Variants in MGST1 observed in about 807,000 individuals in gnomAD.
The protein encoded by MGST1 is microsomal glutathione S-transferase 1.
In MGST1, 5 loss-of-function variants were observed where a neutral mutation model predicts 8.9. The observed-to-expected ratio is 0.56, with a 90% CI of 0.29 to 1.19. The LOEUF is 1.19. Among genes scored for constraint, MGST1 ranks in the 50% most tolerant of loss-of-function variants. MGST1 has a pLI of 0.08. For missense variants in MGST1, 182 were observed against 187.4 expected, an observed-to-expected ratio of 0.97 and a Z score of 0.17; for synonymous variants, 54 against 67.8, an observed-to-expected ratio of 0.80 and a Z score of 1.00.
At chr12:16,470,043 A>G (rs1941281986) in intron 4 of MGST1, among the ~76,000 whole-genome samples, 3 of 152,230 alleles carry the variant, frequency 2.0e-5, no homozygotes, top group Non-Finnish European at 4.4e-5. Context: ...TAGAAGCTCA[A>G]AAATATTGTA....
chr12:16,592,372 T>C (rs781257227), downstream of MGST1, among the ~76,000 whole-genome samples: 1 of 152,044 alleles, frequency 6.6e-6, no homozygotes, highest in Non-Finnish European at 1.5e-5. Flanking sequence ...TACTGGCTTA[T>C]AAATTTGAAG....
intron 4 of MGST1, among the ~76,000 whole-genome samples, chr12:16,475,383 C>T (rs1204893762): frequency 6.6e-6 from 1 of 152,032 alleles, no homozygotes; most frequent in African/African-American, 2.4e-5. Context: ...AGTCTCTATG[C>T]TATTGGGAAT....
At chr12:16,526,020 G>A (rs11056985) in intron 4 of MGST1, among the ~76,000 whole-genome samples, 1 of 146,128 alleles carries the variant, frequency 6.8e-6, no homozygotes, top group Non-Finnish European at 1.5e-5. Flanking sequence ...ATTTGTTTGA[G>A]TTCATTGTAG....
intron 4 of MGST1, among the ~76,000 whole-genome samples, chr12:16,534,013 G>T (rs1941739091): frequency 6.6e-6 from 1 of 152,162 alleles, no homozygotes; most frequent in Non-Finnish European, 1.5e-5. Context: ...GTTTATTACG[G>T]TGAGGTGGAA....
At chr12:16,554,689 A>C (rs907081532) in intron 4 of MGST1, among the ~76,000 whole-genome samples, 8 of 152,170 alleles carry the variant, frequency 5.3e-5, no homozygotes, top group Non-Finnish European at 1.0e-4. Context: ...TCAGAAAATA[A>C]AATACCTCTC....
intron 4 of MGST1, chr12:16,514,175 T>C: frequency 3.0e-6 from 1 of 334,616 alleles, no homozygotes; most frequent in Non-Finnish European, 5.8e-6. Context: ...TGCGCCACTC[T>C]GCCAATTATA....
At chr12:16,529,786 T>A (rs982412181) in intron 4 of MGST1, among the ~76,000 whole-genome samples, 1 of 152,140 alleles carries the variant, frequency 6.6e-6, no homozygotes, top group African/African-American at 2.4e-5. Context: ...TGGAATAAGT[T>A]AGAAATCTAT....
At chr12:16,395,602 A>G (rs1043394708) in intron 1 of MGST1, among the ~76,000 whole-genome samples, 1 of 148,432 alleles carries the variant, frequency 6.7e-6, no homozygotes, top group African/African-American at 2.5e-5. Flanking sequence ...CCCAAAGTCC[A>G]TTGTATCATT....
At chr12:16,453,294 G>A (rs1365727034) in intron 4 of MGST1, among the ~76,000 whole-genome samples, 1 of 151,898 alleles carries the variant, frequency 6.6e-6, no homozygotes, top group Non-Finnish European at 1.5e-5. Flanking sequence ...ATAAAAAGCT[G>A]TTAAATTCTG....
At chr12:16,357,790 G>A in intron 3 of MGST1, 91 bp downstream of exon 3, 3 of 939,986 alleles carry the variant, frequency 3.2e-6, no homozygotes, top group Admixed American at 5.4e-5. Context: ...GGAGACTGAG[G>A]AAAAAAAGTG....
intron 4 of MGST1, among the ~76,000 whole-genome samples, chr12:16,554,843 A>G (rs1942131519): frequency 6.6e-6 from 1 of 151,962 alleles, no homozygotes; most frequent in Non-Finnish European, 1.5e-5. Flanking sequence ...ATTTTTTAGT[A>G]GAGACGGGGT....
downstream of MGST1, among the ~76,000 whole-genome samples, chr12:16,443,079 T>C (rs1216646583): frequency 6.6e-6 from 1 of 151,842 alleles, no homozygotes; most frequent in Non-Finnish European, 1.5e-5. Context: ...TTATATATAT[T>C]CTTGTTTATG....
At position 16,546,899 on chromosome 12, in the gene MGST1, T is replaced by G. The variant is rs899416256; in HGVS notation, n.483-42629T>G. Among the ~76,000 whole-genome samples, 1 of 152,034 alleles carries G rather than the reference T, an allele frequency of 6.6e-6. No individual in the cohort carries two copies. Among genetic ancestry groups the G allele is most frequent in the Non-Finnish European group, 1.5e-5 (1 of 67,980 alleles). ...TACCAAAATGCAAAACTGGCAATGA[T>G]CATGCATATTTTAGTCTTCAGGAAA... is the stretch of plus-strand genomic sequence containing the variant. On this transcript the variant is annotated intron_variant and non_coding_transcript_variant, in intron 4 of 4. Coordinates refer to the MGST1 transcript ENST00000538857. This position sits in a 1 kb window ranked among gnomAD's most constrained non-coding sequence, Gnocchi z 4.7.
intron 4 of MGST1, among the ~76,000 whole-genome samples, chr12:16,498,961 C>G (rs1442009889): frequency 2.0e-5 from 3 of 152,016 alleles, no homozygotes; most frequent in Admixed American, 2.0e-4. Context: ...ATACAAAGGG[C>G]CTTTAGAAAA....
At chr12:16,422,372 G>A (rs1940846193) in intron 1 of MGST1, among the ~76,000 whole-genome samples, 1 of 152,072 alleles carries the variant, frequency 6.6e-6, no homozygotes, top group Non-Finnish European at 1.5e-5. Context: ...ACTACTTTCA[G>A]GGCCACTTCT....
intron 4 of MGST1, among the ~76,000 whole-genome samples, chr12:16,532,771 TCTG>T (rs1353943539): frequency 6.6e-6 from 1 of 152,144 alleles, no homozygotes; most frequent in Non-Finnish European, 1.5e-5. Context: ...TTTTGACAAA[TCTG>T]CTGTTTCATG....
At chr12:16,386,849 T>C (rs1398775836) in intron 1 of MGST1, among the ~76,000 whole-genome samples, 1 of 152,196 alleles carries the variant, frequency 6.6e-6, no homozygotes, top group Non-Finnish European at 1.5e-5. Flanking sequence ...TACTTCCAAC[T>C]CCATCCGGCC....
At chr12:16,569,247 A>G (rs990790079) in intron 4 of MGST1, among the ~76,000 whole-genome samples, 1 of 152,218 alleles carries the variant, frequency 6.6e-6, no homozygotes, top group African/African-American at 2.4e-5. Flanking sequence ...AGCTAGCAAG[A>G]GAACCTATAT....
chr12:16,457,621 TTCTC>T (rs1471441270), intron 4 of MGST1, among the ~76,000 whole-genome samples: 1 of 151,952 alleles, frequency 6.6e-6, no homozygotes. Flanking sequence ...ATTGATTAGT[TTCTC>T]TCTATTTGCT....
Sources: gnomAD v4.1 joint callset for allele counts (sites outside exome capture counted in the v4.1 genomes callset) on GRCh38, gnomAD v4.1.1 for gene constraint, Gnocchi (gnomAD v3.1) non-coding constraint, MANE v1.5 for transcripts, NCBI Gene and HGNC (gene_info 2026-07-23, HGNC 2026-07-21) for gene names.